SVOP: variants seen among roughly 807,000 people sequenced by gnomAD.
SVOP encodes the protein synaptic vesicle 2-related protein.
SVOP carries 17 observed loss-of-function variants against 69.1 expected under a neutral mutation model. The observed-to-expected ratio is 0.25, with a 90% confidence interval of 0.17 to 0.37. The LOEUF (loss-of-function observed/expected upper bound fraction) is 0.37. SVOP is among the 10% of genes least tolerant of loss of function. The pLI is 1.00. For missense variants in SVOP, 435 were observed against 597.5 expected, an observed-to-expected ratio of 0.73 and a Z score of 2.84; for synonymous variants, 238 against 238.6, an observed-to-expected ratio of 1.00 and a Z score of 0.02.
chr12:108,912,319 C>A lies in SVOP; in HGVS notation c.*216G>T. On this transcript the variant is annotated 3_prime_UTR_variant, in exon 16 of 16. Coordinates refer to ENST00000610966, the MANE Select transcript of SVOP (RefSeq NM_018711.5). ...CAGGTTATGAACAAAGCTTTCACCA[C>A]ATATACAGAGAACCCCCTAGAGCAA... 1 of 1,430,348 alleles carries A rather than the reference C, an allele frequency of 7.0e-7. No homozygotes were observed. Among genetic ancestry groups the A allele is most frequent in the Non-Finnish European group, 9.1e-7 (1 of 1,096,372 alleles). The allele number at this position is 1,430,348 out of a possible 1,614,324, so 88.6% of individuals were successfully genotyped here. A position where few individuals can be genotyped will look rare whatever the true frequency, so the allele number is the denominator to read the frequency against.
intron 1 of SVOP, among the ~76,000 whole-genome samples, chr12:108,986,627 T>C (rs933076242): frequency 2.6e-5 from 4 of 152,176 alleles, no homozygotes; most frequent in African/African-American, 9.7e-5. Flanking sequence ...GGCAAAGGAC[T>C]TCAAGAGACA....
intron 14 of SVOP, among the ~76,000 whole-genome samples, chr12:108,916,644 G>C (rs925156039): frequency 5.3e-5 from 8 of 152,216 alleles, no homozygotes; most frequent in Admixed American, 4.6e-4. Context: ...GATAAGAAAG[G>C]CACACGATGC....
intron 6 of SVOP, 116 bp from the exon 7 acceptor site, chr12:108,945,282 C>T (rs2039916195): frequency 6.5e-6 from 6 of 924,364 alleles, no homozygotes; most frequent in African/African-American, 4.9e-5. Flanking sequence ...GAACCACTTA[C>T]ATCAGAATTT....
intron 9 of SVOP, among the ~76,000 whole-genome samples, chr12:108,938,525 C>T (rs992201633): frequency 2.0e-5 from 3 of 152,204 alleles, no homozygotes; most frequent in Admixed American, 6.5e-5. Flanking sequence ...TGCTGAAAGG[C>T]GAAACCAAAG....
intron 11 of SVOP, 151 bp downstream of exon 11, chr12:108,934,044 G>A: frequency 1.6e-6 from 1 of 631,350 alleles, no homozygotes. Context: ...CGACAAGACT[G>A]TCCAGGTTTC....
At chr12:108,971,097 A>AT (rs2040075987) in intron 5 of SVOP, among the ~76,000 whole-genome samples, 2 of 151,906 alleles carry the variant, frequency 1.3e-5, no homozygotes, top group Non-Finnish European at 1.5e-5. Context: ...AGGTTCTGTT[A>AT]TTTTCTTCTT....
At chr12:108,960,813 A>C in intron 6 of SVOP, 110 bp downstream of exon 6, 1 of 1,330,664 alleles carries the variant, frequency 7.5e-7, no homozygotes, top group Non-Finnish European at 1.0e-6. Flanking sequence ...TGGTATAGCT[A>C]TCTCTGCACC....
chr12:108,964,728 C>T (rs898541128), intron 5 of SVOP, among the ~76,000 whole-genome samples: 4 of 152,158 alleles, frequency 2.6e-5, no homozygotes, highest in Admixed American at 6.5e-5. Context: ...GGCCTTTGGG[C>T]TTTTCATTAA....
rs376372915 is a variant in SVOP, at chr12:108,919,695, C to T, written c.1248G>A (p.Leu416=). The stretch of plus-strand genomic sequence containing the variant: ...CCTACCTTCCAACACAGATAAACAG[C>T]AGGAGGCTGCAGAAGGAGAAGATGA... The part of the protein sequence containing the change: ...CFVIFSFCSL[L]LFICVGRNVL... Residue 416 remains leucine (L), a synonymous_variant, in exon 13 of 16, where the codon CTG becomes CTA. Transcript: ENST00000610966. The T allele has an allele frequency of 1.6e-5, 26 of 1,605,252 alleles. No individual in the cohort carries two copies. The highest frequency in any genetic ancestry group is 5.3e-5 in the African/African-American group (4 of 74,778).
chr12:108,937,674 G>A (rs1324887240), intron 9 of SVOP, among the ~76,000 whole-genome samples: 1 of 152,034 alleles, frequency 6.6e-6, no homozygotes, highest in African/African-American at 2.4e-5. Flanking sequence ...TCCAAAGCAT[G>A]TCCAGCCATT....
chr12:109,017,147 C>T (rs549729103), intron 1 of SVOP, among the ~76,000 whole-genome samples: 14 of 152,172 alleles, frequency 9.2e-5, no homozygotes, highest in African/African-American at 1.4e-4. Flanking sequence ...TGTTAGGAAC[C>T]GGGCTGCACA....
chr12:108,987,798 A>C (rs1376961393), intron 1 of SVOP, among the ~76,000 whole-genome samples: 1 of 152,110 alleles, frequency 6.6e-6, no homozygotes, highest in East Asian at 1.9e-4. Flanking sequence ...CTTGTTGTTG[A>C]CTTGTACTTC....
intron 1 of SVOP, among the ~76,000 whole-genome samples, chr12:108,997,912 C>T (rs1411755639): frequency 2.0e-5 from 3 of 149,688 alleles, no homozygotes; most frequent in East Asian, 3.9e-4. Flanking sequence ...GCCTCTCCTC[C>T]TCCAAAGGAA....
chr12:109,005,101 G>A (rs920030964), intron 1 of SVOP, among the ~76,000 whole-genome samples: 1 of 152,148 alleles, frequency 6.6e-6, no homozygotes, highest in African/African-American at 2.4e-5. Context: ...TAGCCCTTGA[G>A]TTCAGGCTAT....
intron 12 of SVOP, among the ~76,000 whole-genome samples, chr12:108,920,896 C>T (rs1346548735): frequency 6.6e-6 from 1 of 152,084 alleles, no homozygotes; most frequent in African/African-American, 2.4e-5. Context: ...CATGCCCGGC[C>T]CCATTTTTAC....
At chr12:108,919,550 G>A (rs2039736013) in intron 13 of SVOP, 125 bp downstream of exon 13, 1 of 676,176 alleles carries the variant, frequency 1.5e-6, no homozygotes, top group Non-Finnish European at 2.5e-6. Context: ...CCCACACTTG[G>A]GCCTGCACCT....
At chr12:108,930,827 T>C (rs949929804) in intron 11 of SVOP, among the ~76,000 whole-genome samples, 5 of 152,180 alleles carry the variant, frequency 3.3e-5, no homozygotes, top group African/African-American at 1.2e-4. Context: ...TTCATACAGC[T>C]CACTATGTAT....
At chr12:108,974,040 CTT>C in intron 4 of SVOP, among the ~76,000 whole-genome samples, 1 of 152,348 alleles carries the variant, frequency 6.6e-6, no homozygotes, top group South Asian at 2.1e-4. Context: ...GCTGTGTGCT[CTT>C]TGGCACACGC....
At chr12:108,928,692 A>G (rs1278189758) in intron 11 of SVOP, among the ~76,000 whole-genome samples, 10 of 151,364 alleles carry the variant, frequency 6.6e-5, no homozygotes. Context: ...TCAGCCTCCC[A>G]AGTAGCTGGG....
Sources: allele counts gnomAD v4.1 joint callset (sites outside exome capture counted in the v4.1 genomes callset), GRCh38; gene constraint gnomAD v4.1.1; transcripts MANE v1.5; gene names NCBI Gene and HGNC (gene_info 2026-07-23, HGNC 2026-07-21).